Variants in MOSMO observed in about 807,000 individuals in gnomAD.
MOSMO encodes the protein modulator of smoothened protein.
In MOSMO, 5 loss-of-function variants were observed where a neutral mutation model predicts 18.4. The observed-to-expected ratio is 0.27, with a 90% CI of 0.14 to 0.57. The LOEUF is 0.57. MOSMO is among the 20% of genes least tolerant of loss of function. The pLI is 0.92. For missense variants in MOSMO, 138 were observed against 211.8 expected (o/e 0.65, Z 2.16); for synonymous variants, 82 against 82.3 (o/e 1.00, Z 0.02).
At chr16:22,011,439 T>C (rs957241213) in intron 1 of MOSMO, among the ~76,000 whole-genome samples, 2 of 152,222 alleles carry the variant, frequency 1.3e-5, no homozygotes, top group African/African-American at 4.8e-5. Flanking sequence ...TGATGGCTTA[T>C]GGAGTGTCAG....
chr16:22,077,352 C>T (rs189459296), intron 2 of MOSMO, among the ~76,000 whole-genome samples: 1 of 152,148 alleles, frequency 6.6e-6, no homozygotes, highest in East Asian at 1.9e-4. Context: ...TGTAGTTGCC[C>T]CCAAATGCAA....
chr16:22,055,552 C>T (rs1226044666), intron 1 of MOSMO, among the ~76,000 whole-genome samples: 2 of 152,168 alleles, frequency 1.3e-5, no homozygotes, highest in Non-Finnish European at 2.9e-5. Context: ...TTGCATCCTC[C>T]TTGTGCTTAG....
intron 1 of MOSMO, among the ~76,000 whole-genome samples, chr16:22,072,806 C>CAA (rs906526492): frequency 4.3e-4 from 34 of 78,478 alleles, no homozygotes; most frequent in African/African-American, 1.3e-3. Flanking sequence ...GACTCCATCT[C>CAA]AAAAAAAAAA....
chr16:22,009,037 T>TG (rs1028053977), intron 1 of MOSMO, among the ~76,000 whole-genome samples: 1 of 151,718 alleles, frequency 6.6e-6, no homozygotes, highest in African/African-American at 2.4e-5. Context: ...TTGGTGGGAG[T>TG]GGGGGGCGCC....
intron 1 of MOSMO, among the ~76,000 whole-genome samples, chr16:22,066,901 A>G (rs1393822664): frequency 6.6e-6 from 1 of 152,224 alleles, no homozygotes. Flanking sequence ...AAAGCGTTCA[A>G]TAGAAACTGC....
At chr16:22,026,746 G>T (rs996281414) in intron 1 of MOSMO, among the ~76,000 whole-genome samples, 1 of 152,170 alleles carries the variant, frequency 6.6e-6, no homozygotes, top group Non-Finnish European at 1.5e-5. Context: ...ATAATAACTG[G>T]TTGTTAAATG....
chr16:22,068,152 A>G (rs1900783372), intron 1 of MOSMO, among the ~76,000 whole-genome samples: 1 of 152,196 alleles, frequency 6.6e-6, no homozygotes, highest in South Asian at 2.1e-4. Flanking sequence ...GTACAAATAT[A>G]TTTTTGCTTA....
chr16:22,027,498 G>T (rs1382247675), intron 1 of MOSMO, among the ~76,000 whole-genome samples: 1 of 152,168 alleles, frequency 6.6e-6, no homozygotes, highest in Non-Finnish European at 1.5e-5. Context: ...ATTGTTTTGA[G>T]AATTAACTTG....
chr16:22,074,421 C>CA (rs1900922207), intron 1 of MOSMO, among the ~76,000 whole-genome samples: 2 of 151,866 alleles, frequency 1.3e-5, no homozygotes, highest in African/African-American at 4.8e-5. Context: ...GAATGTAGAC[C>CA]AAAAAAATCC....
intron 1 of MOSMO, among the ~76,000 whole-genome samples, chr16:22,028,465 T>C (rs1417424718): frequency 6.6e-6 from 1 of 151,994 alleles, no homozygotes; most frequent in Non-Finnish European, 1.5e-5. Context: ...TTATTCACAT[T>C]GTTTTACCAC....
rs1272807190 is a variant in MOSMO at position 22,080,755 on chromosome 16, G to A, written c.379G>A (p.Gly127Arg). Residue 127 changes from glycine to arginine, a missense_variant, in exon 3 of 3, where the codon GGA becomes AGA. By Grantham distance (125) the Gly-to-Arg change is moderately radical. Coordinates refer to ENST00000542527, the MANE Select transcript of MOSMO (RefSeq NM_001164579.2). ...FPIGFYINEVGGQPYKLPNNT... is the reference protein window; with the variant it reads ...FPIGFYINEVRGQPYKLPNNT... ...AATAGGATTTTACATCAATGAAGTC[G>A]GAGGTCAACCTTATAAATTACCCAA... 20 of 1,504,242 alleles carry A rather than the reference G, an allele frequency of 1.3e-5. No homozygotes were observed. The highest frequency in any genetic ancestry group is 1.7e-5 in the Non-Finnish European group (19 of 1,133,946). The allele number at this position is 1,504,242 out of a possible 1,614,324, so 93.2% of individuals were successfully genotyped here.
At chr16:22,064,416 C>A (rs142299624) in intron 1 of MOSMO, 2 of 456,390 alleles carry the variant, frequency 4.4e-6, no homozygotes, top group Non-Finnish European at 8.8e-6. Context: ...GTTACTTCTG[C>A]CAGATTAATC....
intron 1 of MOSMO, among the ~76,000 whole-genome samples, chr16:22,062,764 G>A (rs1598019770): frequency 6.6e-6 from 1 of 152,148 alleles, no homozygotes; most frequent in Non-Finnish European, 1.5e-5. Context: ...ATACTGGGAG[G>A]TCATTCTGCA....
intron 1 of MOSMO, among the ~76,000 whole-genome samples, chr16:22,038,863 A>G (rs963368987): frequency 2.0e-5 from 3 of 152,168 alleles, no homozygotes; most frequent in Non-Finnish European, 4.4e-5. Flanking sequence ...GATGTGGGAA[A>G]GGAGACCATT....
chr16:22,079,861 A>G (rs1474085826), intron 2 of MOSMO, among the ~76,000 whole-genome samples: 2 of 152,076 alleles, frequency 1.3e-5, no homozygotes, highest in Admixed American at 1.3e-4. Flanking sequence ...TTGGCTCACT[A>G]CAACCTCCAC....
At chr16:22,077,665 A>AT (rs1598027207) in intron 2 of MOSMO, among the ~76,000 whole-genome samples, 2 of 151,958 alleles carry the variant, frequency 1.3e-5, no homozygotes, top group East Asian at 3.9e-4. Flanking sequence ...CTTTGAGCTA[A>AT]TTTCATTTAA....
Position 22,080,851 on chromosome 16 carries a change from T to G in MOSMO, c.475T>G (p.Phe159Val). 1 of 1,419,610 alleles carries G rather than the reference T, an allele frequency of 7.0e-7. No homozygotes were observed. The highest frequency in any genetic ancestry group is 2.8e-5 in the East Asian group (1 of 35,574). The allele number at this position is 1,419,610 out of a possible 1,614,324, so 87.9% of individuals were successfully genotyped here. A position where few individuals can be genotyped will look rare whatever the true frequency, so the allele number is the denominator to read the frequency against. ...TTTCTTTACAATAGTAGGACTTCTA[T>G]TTGCTGGCAAAGTTTGTTTACCAGG... The part of the protein sequence containing the change: ...SIFFTIVGLL[F>V]AGKVCLPG Residue 159 changes from phenylalanine (F) to valine (V), a missense_variant, in exon 3 of 3, where the codon TTT becomes GTT. By Grantham distance (50) the Phe-to-Val change is conservative (BLOSUM62 -1). Transcript: ENST00000542527.
At chr16:22,048,284 C>T (rs775751076) in intron 1 of MOSMO, among the ~76,000 whole-genome samples, 1 of 152,070 alleles carries the variant, frequency 6.6e-6, no homozygotes, top group Non-Finnish European at 1.5e-5. Context: ...GGGTTGTGAA[C>T]GATTAAATGA....
chr16:22,058,671 A>G (rs965084687), intron 1 of MOSMO, among the ~76,000 whole-genome samples: 1 of 152,144 alleles, frequency 6.6e-6, no homozygotes, highest in Non-Finnish European at 1.5e-5. Flanking sequence ...GTGCAACTGG[A>G]TGAATAGTGG....
Sources: allele counts gnomAD v4.1 joint callset (sites outside exome capture counted in the v4.1 genomes callset), GRCh38; gene constraint gnomAD v4.1.1; transcripts MANE v1.5; gene names NCBI Gene and HGNC (gene_info 2026-07-23, HGNC 2026-07-21).